Variants in MED13 observed in about 807,000 individuals in gnomAD.
MED13 encodes the protein mediator complex subunit 13.
MED13 carries 23 observed loss-of-function variants against 225.2 expected under a neutral mutation model. That is an observed-to-expected ratio of 0.10 (90% CI 0.07 to 0.14). The LOEUF (loss-of-function observed/expected upper bound fraction) is 0.14, where lower values mean the gene tolerates loss of function less well. Ranked by LOEUF, MED13 falls within the 10% of genes least tolerant of loss-of-function variation. MED13 has a pLI of 1.00. For missense variants in MED13, 2,197 were observed against 2,594.5 expected, an observed-to-expected ratio of 0.85 and a Z score of 3.33; for synonymous variants, 942 against 889.2, an observed-to-expected ratio of 1.06 and a Z score of -1.06.
chr17:62,058,143 G>C (rs935553577), intron 2 of MED13, among the ~76,000 whole-genome samples: 40 of 152,038 alleles, frequency 2.6e-4, no homozygotes, highest in African/African-American at 9.7e-4. Context: ...ACTGAGCTAA[G>C]ATTTTCCCAT....
chr17:62,031,922 G>T (rs1444623077), intron 5 of MED13, among the ~76,000 whole-genome samples: 1 of 151,426 alleles, frequency 6.6e-6, no homozygotes, highest in East Asian at 1.9e-4. Flanking sequence ...CTAGAAATGT[G>T]TTTTTTAAAT....
intron 8 of MED13, among the ~76,000 whole-genome samples, chr17:62,015,657 T>TC (rs946048587): frequency 1.3e-5 from 2 of 150,632 alleles, no homozygotes; most frequent in African/African-American, 4.9e-5. Flanking sequence ...CACTGTAACC[T>TC]CTGCCTCTCA....
At position 61,946,903 on chromosome 17, in the gene MED13, TAA is replaced by T. The variant is rs898897592; in HGVS notation, c.6392+12_6392+13del. The T allele has an allele frequency of 6.3e-7, 1 of 1,585,040 alleles. No homozygotes were observed. ...AGTTGCAGTGACAAACTGTTAATGGTAAAAGAGTTGTACCTGAGGACATCTGA... is the reference window on the plus strand; with the variant it reads ...AGTTGCAGTGACAAACTGTTAATGGTAAGAGTTGTACCTGAGGACATCTGA... On this transcript the variant is annotated intron_variant, in intron 29 of 29. Transcript: ENST00000397786.
chr17:62,010,189 C>G (rs1472231941), intron 9 of MED13, among the ~76,000 whole-genome samples: 1 of 150,466 alleles, frequency 6.6e-6, no homozygotes, highest in Non-Finnish European at 1.5e-5. Flanking sequence ...CCTCTACACT[C>G]TAGCCTGGGT....
At chr17:62,048,043 C>CATATACATACATATAT (rs776069700) in intron 3 of MED13, among the ~76,000 whole-genome samples, 1 of 131,168 alleles carries the variant, frequency 7.6e-6, no homozygotes, top group African/African-American at 2.8e-5. Flanking sequence ...TATACATATA[C>CATATACATACATATAT]ATATATATAT....
intron 17 of MED13, among the ~76,000 whole-genome samples, chr17:61,969,338 G>A (rs1447502467): frequency 6.6e-6 from 1 of 151,404 alleles, no homozygotes; most frequent in Non-Finnish European, 1.5e-5. Context: ...GGCAAAAAGA[G>A]CAAAACTCCA....
rs895246613 is a variant in MED13, at chr17:61,965,448, G to T, written c.4402C>A (p.Pro1468Thr). 26 of 1,613,372 alleles carry T rather than the reference G, an allele frequency of 1.6e-5. No individual in the cohort carries two copies. Among genetic ancestry groups the T allele is most frequent in the Middle Eastern group, 1.6e-4 (1 of 6,082 alleles). Residue 1468 changes from proline to threonine, a missense_variant, in exon 20 of 30, where the codon CCA (proline) becomes ACA (threonine). By Grantham distance (38) the Pro-to-Thr change is conservative (BLOSUM62 -1). Around this residue, in one of 12 missense-constraint regions of MED13, gnomAD observed 457 missense variants for 442.2 expected, o/e 1.03. Transcript: ENST00000397786. ...TGGGAAAGTAGAGAGCTGTCCAATG[G>T]CAGGGAAGCAAGATAAGGACCTAAA... ...YDLGPYLASL[P>T]LDSSLLSQPN... is the part of the protein sequence containing the mutation.
chr17:62,021,356 C>A (rs28610444), intron 8 of MED13, among the ~76,000 whole-genome samples: 1 of 128,060 alleles, frequency 7.8e-6, no homozygotes, highest in African/African-American at 3.2e-5. Context: ...GGTGGCTGGC[C>A]GGGCGGGGGG....
intron 28 of MED13, among the ~76,000 whole-genome samples, chr17:61,949,178 A>G (rs538820723): frequency 6.6e-6 from 1 of 151,874 alleles, no homozygotes; most frequent in African/African-American, 2.4e-5. Context: ...TAGGGCTTTT[A>G]TATCTCATTT....
intron 3 of MED13, among the ~76,000 whole-genome samples, chr17:62,047,749 GATC>G (rs1294407127): frequency 6.6e-6 from 1 of 151,416 alleles, no homozygotes; most frequent in African/African-American, 2.4e-5. Flanking sequence ...AATAAAATAA[GATC>G]ATTAAAAAAG....
At chr17:61,974,230 G>A (rs2080134059) in intron 16 of MED13, among the ~76,000 whole-genome samples, 2 of 151,798 alleles carry the variant, frequency 1.3e-5, no homozygotes, top group Non-Finnish European at 2.9e-5. Context: ...TGCGCAACAT[G>A]GCAAAACCCT....
At chr17:62,030,141 G>A in intron 6 of MED13, 128 bp from the exon 7 acceptor site, 1 of 959,054 alleles carries the variant, frequency 1.0e-6, no homozygotes. Context: ...TATATTTTGA[G>A]ATAAAAAGCA....
At chr17:62,012,649 G>GT (rs1359379397) in intron 8 of MED13, among the ~76,000 whole-genome samples, 1 of 151,660 alleles carries the variant, frequency 6.6e-6, no homozygotes, top group African/African-American at 2.4e-5. Context: ...TTAAAATGTG[G>GT]TAAGATATGG....
At chr17:62,013,099 T>C (rs1249072139) in intron 8 of MED13, among the ~76,000 whole-genome samples, 3 of 152,044 alleles carry the variant, frequency 2.0e-5, no homozygotes. Context: ...CCGAGACACC[T>C]TTTTGTACAG....
Position 61,984,332 on chromosome 17 carries a change from T to C in MED13, c.2727A>G (p.Gln909=). ...CAAACATGGAACATCCCACTAGAAT[T>C]TGACAATTTTCAGGCTTATAGACAT... ...FSYVYKPENC[Q]ILVGCSMFAP... The change falls in exon 15 of 30, where the codon CAA becomes CAG. Residue 909 remains glutamine (Q), a synonymous_variant. Transcript: ENST00000397786. The C allele has an allele frequency of 6.3e-7, 1 of 1,597,982 alleles. No individual in the cohort carries two copies.
At chr17:61,983,731 C>CTTT (rs57772316) in intron 15 of MED13, among the ~76,000 whole-genome samples, 5 of 138,474 alleles carry the variant, frequency 3.6e-5, no homozygotes, top group Admixed American at 7.3e-5. Flanking sequence ...CCCAATTAAC[C>CTTT]TTTTTTTTTT....
chr17:61,957,148 G>A (rs1303760126), intron 23 of MED13, among the ~76,000 whole-genome samples: 4 of 151,930 alleles, frequency 2.6e-5, no homozygotes, highest in Non-Finnish European at 5.9e-5. Flanking sequence ...CCGGGCTCAA[G>A]TGATTCTCCT....
intron 9 of MED13, chr17:62,003,685 A>G (rs978934511): frequency 3.3e-5 from 5 of 151,812 alleles, no homozygotes; most frequent in Admixed American, 2.6e-4. Context: ...CAATATTCAC[A>G]TAAGACATAT....
intron 8 of MED13, 140 bp from the exon 9 acceptor site, chr17:62,011,373 AGGGG>A: frequency 1.3e-6 from 1 of 797,720 alleles, no homozygotes. Context: ...TGAATTTGAA[AGGGG>A]AAAAAAATAC....
Sources: allele counts gnomAD v4.1 joint callset (sites outside exome capture counted in the v4.1 genomes callset), GRCh38; gene constraint gnomAD v4.1.1; regional missense constraint gnomAD v4.1.1; transcripts MANE v1.5; gene names NCBI Gene and HGNC (gene_info 2026-07-23, HGNC 2026-07-21).